Variants in BAIAP2 observed in about 807,000 individuals in gnomAD.
BAIAP2 encodes the protein BAR/IMD domain containing adaptor protein 2.
In BAIAP2, 18 loss-of-function variants were observed where a neutral mutation model predicts 63.0. That is an observed-to-expected ratio of 0.29 (90% CI 0.20 to 0.42). The LOEUF (loss-of-function observed/expected upper bound fraction) is 0.42, where lower values mean the gene tolerates loss of function less well. Ranked by LOEUF, BAIAP2 falls within the 10% of genes least tolerant of loss-of-function variation. The pLI is 1.00. For missense variants in BAIAP2, 610 were observed against 734.3 expected (o/e 0.83, Z 1.96); for synonymous variants, 386 against 307.6 (o/e 1.25, Z -2.67).
intron 3 of BAIAP2, among the ~76,000 whole-genome samples, chr17:81,074,534 T>G (rs1352961383): frequency 1.3e-5 from 2 of 150,736 alleles, no homozygotes; most frequent in African/African-American, 4.9e-5. Flanking sequence ...CCTGTGTGTG[T>G]GCACGTGCAC....
intron 6 of BAIAP2, among the ~76,000 whole-genome samples, chr17:81,095,096 G>C (rs1379414425): frequency 2.0e-5 from 3 of 152,234 alleles, no homozygotes; most frequent in African/African-American, 7.2e-5. Flanking sequence ...GGAGCATTCT[G>C]TGGGTCTTAA....
At chr17:81,091,390 C>G (rs2145520635) in intron 6 of BAIAP2, among the ~76,000 whole-genome samples, 1 of 152,252 alleles carries the variant, frequency 6.6e-6, no homozygotes, top group African/African-American at 2.4e-5. Context: ...TGCTTCCCAG[C>G]TGTTCTACAG....
intron 2 of BAIAP2, chr17:81,057,557 G>T: frequency 1.1e-6 from 1 of 914,194 alleles, no homozygotes; most frequent in Non-Finnish European, 1.3e-6. Context: ...AATACAGTTA[G>T]TACAACACTC....
intron 4 of BAIAP2, 129 bp downstream of exon 4, chr17:81,085,022 A>C (rs968582025): frequency 1.6e-4 from 147 of 920,872 alleles, no homozygotes; most frequent in Admixed American, 4.0e-4. Flanking sequence ...GCAGGGAGGG[A>C]CCCTGGCTCA....
intron 6 of BAIAP2, among the ~76,000 whole-genome samples, chr17:81,097,266 G>T (rs2057783594): frequency 6.6e-6 from 1 of 152,228 alleles, no homozygotes; most frequent in African/African-American, 2.4e-5. Context: ...CAAGGGCAGG[G>T]GAGCGCCGGG....
intron 13 of BAIAP2, chr17:81,109,280 C>A: frequency 2.3e-5 from 29 of 1,281,646 alleles, no homozygotes; most frequent in Non-Finnish European, 2.6e-5. Context: ...TGCGGGGCAC[C>A]CTCGGCCTCA....
intron 1 of BAIAP2, among the ~76,000 whole-genome samples, chr17:81,045,084 C>G (rs1317740535): frequency 1.3e-5 from 2 of 152,204 alleles, no homozygotes; most frequent in East Asian, 3.9e-4. Flanking sequence ...GGCTGCGGCT[C>G]CTCCTGCGTG....
At position 81,103,674 on chromosome 17, in the gene BAIAP2, C is replaced by T. The variant is rs750986627; in HGVS notation, c.815C>T (p.Pro272Leu). ...AACCTGGTCATTTCCGACCCCATTC[C>T]GGGGGCCAAGCCCCTGCCGGTGCCC... ...KSNLVISDPI[P>L]GAKPLPVPPE... Residue 272 changes from proline to leucine, a missense_variant, in exon 8 of 14, where the codon CCG becomes CTG. Pro to Leu is a moderately conservative substitution (Grantham distance 98, BLOSUM62 -3). Coordinates refer to ENST00000428708, the MANE Select transcript of BAIAP2 (RefSeq NM_001144888.2). The T allele has an allele frequency of 2.6e-5, 42 of 1,594,406 alleles. No individual in the cohort carries two copies. Among genetic ancestry groups the T allele is most frequent in the Non-Finnish European group, 3.2e-5 (38 of 1,170,940 alleles).
intron 6 of BAIAP2, among the ~76,000 whole-genome samples, chr17:81,089,536 A>G (rs977539028): frequency 3.3e-5 from 5 of 151,858 alleles, no homozygotes; most frequent in African/African-American, 1.2e-4. Flanking sequence ...TTTCGTGGTA[A>G]GCCAGGTGAC....
intron 1 of BAIAP2, among the ~76,000 whole-genome samples, chr17:81,047,393 G>A (rs1015000243): frequency 2.0e-5 from 3 of 152,206 alleles, no homozygotes; most frequent in East Asian, 1.9e-4. Context: ...TAAGGCAGCC[G>A]GAGAGGGTCC....
chr17:81,116,444 C>A lies in BAIAP2; in HGVS notation c.*605C>A, dbSNP rs1368908685. 1 of 1,165,096 alleles carries A rather than the reference C, an allele frequency of 8.6e-7. No individual in the cohort carries two copies. Among genetic ancestry groups the A allele is most frequent in the South Asian group, 1.5e-5 (1 of 68,212 alleles). 72.2% of individuals were successfully genotyped at this position (1,165,096 alleles called of 1,614,324 possible). A position where few individuals can be genotyped will look rare whatever the true frequency, so the allele number is the denominator to read the frequency against. On this transcript the variant is annotated 3_prime_UTR_variant, in exon 14 of 14. Coordinates refer to ENST00000428708, the MANE Select transcript of BAIAP2 (RefSeq NM_001144888.2). ...GCAATGTCACAAGGGCCTCCCCAGG[C>A]CCCTCCTGCCTCGGGCAGGCCCCAG...
Position 81,106,019 on chromosome 17 carries a change from G to T in BAIAP2, c.1269-59G>T. ...AGGGACTTGTGCATGGATGGTGGTC[G>T]GTGGGGGATGGGGAGCCTCTGGGCT... On this transcript the variant is annotated intron_variant, in intron 10 of 13. Transcript: ENST00000428708. 2.1e-6 allele frequency: 3 copies of T among 1,460,140 alleles called. No homozygotes were observed. In the South Asian group the frequency reaches 3.7e-5, roughly 18 times the overall value. The allele number at this position is 1,460,140 out of a possible 1,614,324, so 90.4% of individuals were successfully genotyped here.
chr17:81,109,377 A>T (rs1232590519), intron 13 of BAIAP2: 14 of 258,532 alleles, frequency 5.4e-5, no homozygotes, highest in East Asian at 4.9e-4. Flanking sequence ...AATCTTAAAA[A>T]AAAAAAAAAA....
chr17:81,055,406 A>G (rs1433806964), intron 2 of BAIAP2, among the ~76,000 whole-genome samples: 5 of 151,312 alleles, frequency 3.3e-5, no homozygotes, highest in Non-Finnish European at 5.9e-5. Flanking sequence ...TCCTGTTTGC[A>G]CCCGGCACCC....
intron 1 of BAIAP2, among the ~76,000 whole-genome samples, chr17:81,051,980 G>A (rs1367712931): frequency 2.0e-5 from 3 of 152,190 alleles, no homozygotes; most frequent in South Asian, 2.1e-4. Context: ...GCGAGCCACC[G>A]CATCTGACCC....
Position 81,103,331 on chromosome 17 carries a change from C to A in BAIAP2, c.643-171C>A, listed in dbSNP as rs542743924. 1.1e-4 allele frequency among the ~76,000 whole-genome samples: 17 copies of A among 152,234 alleles called. 1 individual carries two copies. Among genetic ancestry groups the A allele is most frequent in the Admixed American group, 1.0e-3 (16 of 15,290 alleles). ...CCCGGCCCTTTACCGGCAGCCGCTT[C>A]TGTGGGTTGGGGTCAGAGGCTCACG... On this transcript the variant is annotated intron_variant, in intron 7 of 13. Coordinates refer to ENST00000428708, the MANE Select transcript of BAIAP2 (RefSeq NM_001144888.2).
At chr17:81,039,651 G>A (rs879786959) in intron 1 of BAIAP2, among the ~76,000 whole-genome samples, 3 of 151,198 alleles carry the variant, frequency 2.0e-5, no homozygotes, top group Non-Finnish European at 4.4e-5. Flanking sequence ...TGGGCTTTCA[G>A]GGGCCACCGT....
intron 3 of BAIAP2, among the ~76,000 whole-genome samples, chr17:81,069,654 G>T (rs1263018271): frequency 6.6e-6 from 1 of 152,186 alleles, no homozygotes; most frequent in Non-Finnish European, 1.5e-5. Context: ...GGCGGGGGGC[G>T]TGGTTCTCCA....
intron 10 of BAIAP2, chr17:81,105,789 G>A (rs1051578565): frequency 2.6e-5 from 9 of 348,590 alleles, no homozygotes; most frequent in Non-Finnish European, 4.3e-5. Flanking sequence ...CTGGGGCTGC[G>A]AGGCAGGAGC....
Sources: allele counts gnomAD v4.1 joint callset (sites outside exome capture counted in the v4.1 genomes callset), GRCh38; gene constraint gnomAD v4.1.1; transcripts MANE v1.5; gene names NCBI Gene and HGNC (gene_info 2026-07-23, HGNC 2026-07-21).